Variants in PKN2 observed in about 807,000 individuals in gnomAD.
PKN2 encodes the protein protein kinase N2.
PKN2 carries 38 observed loss-of-function variants against 119.1 expected under a neutral mutation model. That is an observed-to-expected ratio of 0.32 (90% confidence interval 0.25 to 0.42). The LOEUF is 0.42. PKN2 is among the 10% of genes least tolerant of loss of function. The pLI, the probability that PKN2 is intolerant of heterozygous loss-of-function variation, is 1.00. For synonymous variants in PKN2, 390 were observed against 384.9 expected, an observed-to-expected ratio of 1.01 and a Z score of -0.15; for missense variants, 850 against 1,165.1, an observed-to-expected ratio of 0.73 and a Z score of 3.94.
chr1:88,823,934 G>A (rs1204809772), intron 17 of PKN2, among the ~76,000 whole-genome samples: 3 of 149,926 alleles, frequency 2.0e-5, no homozygotes, highest in South Asian at 2.1e-4. Context: ...GCTTGTACCC[G>A]GGAGGCAGAG....
intron 6 of PKN2, among the ~76,000 whole-genome samples, chr1:88,775,489 AATTT>A (rs1465893877): frequency 2.6e-5 from 4 of 152,082 alleles, no homozygotes; most frequent in Non-Finnish European, 4.4e-5. Flanking sequence ...GATGTACCAT[AATTT>A]ATTTATTCAT....
intron 8 of PKN2, among the ~76,000 whole-genome samples, chr1:88,800,255 C>CT (rs1166869269): frequency 2.6e-5 from 4 of 152,130 alleles, no homozygotes; most frequent in Non-Finnish European, 5.9e-5. Context: ...TTAAGAAGTG[C>CT]TTACTAGTTA....
At chr1:88,726,413 A>G (rs560716259) in intron 1 of PKN2, among the ~76,000 whole-genome samples, 3 of 152,218 alleles carry the variant, frequency 2.0e-5, no homozygotes, top group East Asian at 1.9e-4. Flanking sequence ...ATTTTTCTGC[A>G]TAAGTTGGCG....
At chr1:88,761,094 C>CCT in intron 3 of PKN2, among the ~76,000 whole-genome samples, 1 of 152,062 alleles carries the variant, frequency 6.6e-6, no homozygotes, top group Non-Finnish European at 1.5e-5. Flanking sequence ...GCATATAACT[C>CCT]CTAACTGAAA....
In PKN2 at chr1:88,807,482, GTACCATACTT is replaced by G. The variant is rs1557625700; in HGVS notation, c.1934+42_1935-35del. The G allele has an allele frequency of 3.1e-6, 5 of 1,604,756 alleles. No individual in the cohort carries two copies. In the Admixed American group the frequency reaches 8.6e-5, roughly 27 times the overall value. On this transcript the variant is annotated intron_variant, in intron 13 of 21. Transcript: ENST00000370521. ...ACCAAATTTTGCGACTACATGTTTG[GTACCATACTT>G]TATTGTCTTATTATTAATTGAAATT... is the stretch of plus-strand genomic sequence containing the variant.
At chr1:88,773,574 G>A (rs894512772) in intron 6 of PKN2, among the ~76,000 whole-genome samples, 1 of 152,190 alleles carries the variant, frequency 6.6e-6, no homozygotes, top group African/African-American at 2.4e-5. Context: ...TGTGATTACT[G>A]GTGTGTGCCT....
At chr1:88,817,600 C>G (rs1672054122) in intron 16 of PKN2, among the ~76,000 whole-genome samples, 1 of 151,050 alleles carries the variant, frequency 6.6e-6, no homozygotes, top group Non-Finnish European at 1.5e-5. Context: ...CTCGGCTGCT[C>G]AGGAGGCAGG....
intron 6 of PKN2, among the ~76,000 whole-genome samples, chr1:88,777,958 A>G (rs893770032): frequency 6.6e-6 from 1 of 152,172 alleles, no homozygotes; most frequent in Non-Finnish European, 1.5e-5. Flanking sequence ...ACAACCCCTT[A>G]TCTTAACAGC....
intron 2 of PKN2, among the ~76,000 whole-genome samples, chr1:88,743,880 T>TTTTTTTTTTTTTTTTTTTTTTTTTTTTTG: frequency 6.6e-6 from 1 of 152,116 alleles, no homozygotes; most frequent in East Asian, 1.9e-4. Context: ...TGACCATTTT[T>TTTTTTTTTTTTTTTTTTTTTTTTTTTTTG]AATACTGACA....
At chr1:88,777,976 C>A (rs572552778) in intron 6 of PKN2, among the ~76,000 whole-genome samples, 1 of 152,180 alleles carries the variant, frequency 6.6e-6, no homozygotes, top group African/African-American at 2.4e-5. Context: ...AGCACTCTTA[C>A]AATACTCCCT....
At chr1:88,772,498 A>C (rs990544657) in intron 6 of PKN2, among the ~76,000 whole-genome samples, 1 of 152,238 alleles carries the variant, frequency 6.6e-6, no homozygotes, top group Non-Finnish European at 1.5e-5. Flanking sequence ...TAATATAAAC[A>C]TTCCAAAATC....
Position 88,834,888 on chromosome 1 carries a change from C to T in PKN2, c.*1440C>T, listed in dbSNP as rs1344262430. 1 of 152,278 alleles carries T rather than the reference C, an allele frequency of 6.6e-6. No individual in the cohort carries two copies. The highest frequency in any genetic ancestry group is 1.5e-5 in the Non-Finnish European group (1 of 67,886). The allele number at this position is 152,278 out of a possible 1,614,324, so 9.4% of individuals were successfully genotyped here. A position where few individuals can be genotyped will look rare whatever the true frequency, so the allele number is the denominator to read the frequency against. ...TTGTTTTTTCTTAGTTTAGTAATAG[C>T]ATCTTTGATCCTGTGCTTAGCATGT... On this transcript the variant is annotated 3_prime_UTR_variant, in exon 22 of 22. Coordinates refer to ENST00000370521, the MANE Select transcript of PKN2 (RefSeq NM_006256.4).
chr1:88,695,053 G>T (rs1056353641), intron 1 of PKN2, among the ~76,000 whole-genome samples: 8 of 152,084 alleles, frequency 5.3e-5, no homozygotes, highest in Admixed American at 3.3e-4. Flanking sequence ...CGTGAACCCG[G>T]GAGGCAGAGC....
intron 6 of PKN2, among the ~76,000 whole-genome samples, chr1:88,780,282 C>A (rs1292334575): frequency 6.6e-6 from 1 of 151,984 alleles, no homozygotes; most frequent in Non-Finnish European, 1.5e-5. Flanking sequence ...GCAATCATAT[C>A]CTATGTTTGG....
intron 8 of PKN2, among the ~76,000 whole-genome samples, chr1:88,801,458 C>T (rs1426628679): frequency 6.6e-6 from 1 of 152,180 alleles, no homozygotes; most frequent in African/African-American, 2.4e-5. Flanking sequence ...TTCAGTCTAT[C>T]TGTATGGTAC....
At chr1:88,690,316 T>C (rs531376487) in intron 1 of PKN2, among the ~76,000 whole-genome samples, 12 of 152,368 alleles carry the variant, frequency 7.9e-5, no homozygotes, top group African/African-American at 2.9e-4. Context: ...TAGTAGTTTG[T>C]AAACATCACC....
At chr1:88,742,322 CAA>C (rs943225043) in intron 2 of PKN2, among the ~76,000 whole-genome samples, 24 of 152,254 alleles carry the variant, frequency 1.6e-4, no homozygotes, top group African/African-American at 5.8e-4. Context: ...TTTACCATCT[CAA>C]AAGTTGCAGA....
rs552937483 is a variant in PKN2 at position 88,835,080 on chromosome 1, A to G, written c.*1632A>G. On this transcript the variant is annotated 3_prime_UTR_variant, in exon 22 of 22. Coordinates refer to ENST00000370521, the MANE Select transcript of PKN2 (RefSeq NM_006256.4). Reference sequence around the variant, plus strand: ...AGTTGAGCTAAAAACATTTATAAATATTTGCTGGGATGTTTTAGCATCTTT... The same window carrying G: ...AGTTGAGCTAAAAACATTTATAAATGTTTGCTGGGATGTTTTAGCATCTTT... 6.6e-6 allele frequency: 1 copy of G among 152,452 alleles called. No individual in the cohort carries two copies. The highest frequency in any genetic ancestry group is 6.5e-5 in the Admixed American group (1 of 15,270). The allele number at this position is 152,452 out of a possible 1,614,324, so 9.4% of individuals were successfully genotyped here.
Position 88,718,264 on chromosome 1 carries a change from T to A in PKN2, c.49-22724T>A, listed in dbSNP as rs532511561. ...AGGAGGTGTCTCCCAGTTAGGCTAC[T>A]CGGGGGTCAGGGACCCACTTGAGGA... On this transcript the variant is annotated intron_variant, in intron 1 of 21. Transcript: ENST00000370521. 2.6e-5 allele frequency among the ~76,000 whole-genome samples: 4 copies of A among 152,342 alleles called. No homozygotes were observed. In the South Asian group the frequency reaches 8.3e-4, roughly 32 times the overall value.
Sources: gnomAD v4.1 joint callset for allele counts (sites outside exome capture counted in the v4.1 genomes callset) on GRCh38, gnomAD v4.1.1 for gene constraint, MANE v1.5 for transcripts, NCBI Gene and HGNC (gene_info 2026-07-23, HGNC 2026-07-21) for gene names.